TENM3: variants seen among roughly 807,000 people sequenced by gnomAD.
TENM3 encodes the protein teneurin transmembrane protein 3.
TENM3 carries 63 observed loss-of-function variants against 255.1 expected under a neutral mutation model. The ratio of observed to expected loss-of-function variants is 0.25; its 90% CI spans 0.20 to 0.30. The LOEUF (loss-of-function observed/expected upper bound fraction) is 0.30. Among genes scored for constraint, TENM3 ranks in the 10% least tolerant of loss-of-function variants. TENM3 has a pLI of 1.00. For synonymous variants in TENM3, 1,306 were observed against 1,322.3 expected (o/e 0.99, Z 0.27); for missense variants, 2,929 against 3,461.1 (o/e 0.85, Z 3.86).
chr4:182,633,513 T>C (rs1368401474), intron 5 of TENM3, among the ~76,000 whole-genome samples: 1 of 152,210 alleles, frequency 6.6e-6, no homozygotes. Context: ...ACCTGATGCA[T>C]GAACTGGAGC....
At chr4:181,465,367 C>T in the TENM3 span, among the ~76,000 whole-genome samples, 9 of 151,664 alleles carry the variant, frequency 5.9e-5, no homozygotes, top group Admixed American at 1.3e-4. Context: ...GACTGACTAA[C>T]ACATTCTTCA....
At chr4:181,970,608 C>A in the TENM3 span, among the ~76,000 whole-genome samples, 1 of 152,114 alleles carries the variant, frequency 6.6e-6, no homozygotes, top group Non-Finnish European at 1.5e-5. Flanking sequence ...TATGATATAT[C>A]TTTTAAAGTC....
At chr4:182,209,892 A>AG (rs942598687) in intron 1 of TENM3, among the ~76,000 whole-genome samples, 27 of 152,112 alleles carry the variant, frequency 1.8e-4, no homozygotes, top group African/African-American at 5.8e-4. Context: ...AGTCATCTGC[A>AG]GGGGGAGGTG....
intron 22 of TENM3, among the ~76,000 whole-genome samples, chr4:182,764,447 G>A (rs1200791934): frequency 1.3e-5 from 2 of 152,290 alleles, no homozygotes; most frequent in African/African-American, 2.4e-5. Flanking sequence ...ATAGTTGTTC[G>A]ACAGGCCGTG....
At chr4:182,234,031 G>A (rs758239231) in intron 1 of TENM3, among the ~76,000 whole-genome samples, 10 of 152,168 alleles carry the variant, frequency 6.6e-5, no homozygotes, top group African/African-American at 1.2e-4. Context: ...TTCCTTTATC[G>A]GCCTTAGTAG....
chr4:182,126,151 A>C, the TENM3 span, among the ~76,000 whole-genome samples: 1 of 152,190 alleles, frequency 6.6e-6, no homozygotes, highest in South Asian at 2.1e-4. Context: ...TAATTGGAAG[A>C]TATTTTCGAG....
intron 3 of TENM3, among the ~76,000 whole-genome samples, chr4:182,430,090 G>T (rs192576448): frequency 6.6e-6 from 1 of 152,134 alleles, no homozygotes; most frequent in Non-Finnish European, 1.5e-5. Flanking sequence ...GTGACATGAC[G>T]CAGCTGTGTT....
chr4:182,105,031 G>GTTTC, the TENM3 span, among the ~76,000 whole-genome samples: 1 of 152,058 alleles, frequency 6.6e-6, no homozygotes, highest in African/African-American at 2.4e-5. Context: ...GGCCAAGGTG[G>GTTTC]GGAAAGCTCA....
At chr4:182,592,354 A>G (rs535675363) in intron 3 of TENM3, among the ~76,000 whole-genome samples, 13 of 152,194 alleles carry the variant, frequency 8.5e-5, no homozygotes, top group Non-Finnish European at 1.5e-4. Context: ...GGTATTTTCA[A>G]AATCAAAAAC....
intron 6 of TENM3, among the ~76,000 whole-genome samples, chr4:182,663,092 C>T (rs562548589): frequency 1.3e-5 from 2 of 150,404 alleles, no homozygotes; most frequent in South Asian, 4.3e-4. Context: ...GTCAGATCTG[C>T]AAGTACCTTT....
chr4:181,921,377 C>T, the TENM3 span, among the ~76,000 whole-genome samples: 54 of 152,162 alleles, frequency 3.5e-4, no homozygotes, highest in Non-Finnish European at 4.4e-4. Context: ...CATGGAATGT[C>T]CTTCCATTTG....
intron 3 of TENM3, among the ~76,000 whole-genome samples, chr4:182,589,308 A>G (rs1746358733): frequency 6.6e-6 from 1 of 152,194 alleles, no homozygotes; most frequent in South Asian, 2.1e-4. Flanking sequence ...GGTACTCTCT[A>G]TAATTGTGTC....
the TENM3 span, among the ~76,000 whole-genome samples, chr4:181,713,891 G>A: frequency 1.8e-4 from 28 of 152,118 alleles, no homozygotes; most frequent in East Asian, 3.3e-3. Flanking sequence ...CCAAGCCAGC[G>A]TTTCCCACAG....
At chr4:181,491,961 TTCTAGTGAA>T in the TENM3 span, among the ~76,000 whole-genome samples, 1 of 152,210 alleles carries the variant, frequency 6.6e-6, no homozygotes, top group Non-Finnish European at 1.5e-5. Flanking sequence ...AATTCTCCTA[TTCTAGTGAA>T]TGGCGTTTTG....
At chr4:181,709,970 G>A in the TENM3 span, among the ~76,000 whole-genome samples, 1 of 152,154 alleles carries the variant, frequency 6.6e-6, no homozygotes, top group Non-Finnish European at 1.5e-5. Flanking sequence ...GGATGGAGCA[G>A]GAAGAATCAG....
At chr4:182,338,898 G>GT (rs1561338995) in intron 2 of TENM3, among the ~76,000 whole-genome samples, 1 of 152,142 alleles carries the variant, frequency 6.6e-6, no homozygotes, top group Non-Finnish European at 1.5e-5. Context: ...CTGAGATTTA[G>GT]TTTAGTCTTG....
the TENM3 span, among the ~76,000 whole-genome samples, chr4:182,081,506 C>T: frequency 6.6e-6 from 1 of 150,934 alleles, no homozygotes; most frequent in African/African-American, 2.4e-5. Flanking sequence ...ATCGCTTAAA[C>T]CCGGGAGGCG....
intron 3 of TENM3, among the ~76,000 whole-genome samples, chr4:182,427,433 G>A (rs1313843064): frequency 2.6e-5 from 4 of 152,174 alleles, no homozygotes; most frequent in African/African-American, 9.6e-5. Context: ...CCCCAGGATG[G>A]AACTACTTGG....
At chr4:182,440,047 C>T (rs950572567) in intron 3 of TENM3, among the ~76,000 whole-genome samples, 1 of 151,750 alleles carries the variant, frequency 6.6e-6, no homozygotes, top group Admixed American at 6.6e-5. Context: ...TGTTAGGGAA[C>T]CAGGTTAGTA....
Sources: gnomAD v4.1 joint callset for allele counts (sites outside exome capture counted in the v4.1 genomes callset) on GRCh38, gnomAD v4.1.1 for gene constraint, MANE v1.5 for transcripts, NCBI Gene and HGNC (gene_info 2026-07-23, HGNC 2026-07-21) for gene names.